Variants in BOP1 observed in about 807,000 individuals in gnomAD.
BOP1 encodes the protein BOP1 ribosomal biogenesis factor.
BOP1 carries 54 observed loss-of-function variants against 82.9 expected under a neutral mutation model. The ratio of observed to expected loss-of-function variants is 0.65; its 90% CI spans 0.52 to 0.82. The LOEUF (loss-of-function observed/expected upper bound fraction) is 0.82. Among genes scored for constraint, BOP1 ranks in the 40% least tolerant of loss-of-function variants. The pLI, the probability that BOP1 is intolerant of heterozygous loss-of-function variation, is 0.00. For synonymous variants in BOP1, 566 were observed against 451.1 expected (o/e 1.25, Z -3.23); for missense variants, 1,170 against 1,072.0 (o/e 1.09, Z -1.28).
chr8:144,264,653 C>T, intron 5 of BOP1, 37 bp from the exon 6 acceptor site: 1 of 1,569,938 alleles, frequency 6.4e-7, no homozygotes, highest in Non-Finnish European at 8.6e-7. Context: ...GCCAGAGTGG[C>T]TGAGGCCCTG....
chr8:144,267,213 C>G, intron 3 of BOP1: 1 of 1,487,552 alleles, frequency 6.7e-7, no homozygotes, highest in Admixed American at 2.5e-5. Flanking sequence ...CGAGGGGGGC[C>G]TCCAACGCGC....
Position 144,268,579 on chromosome 8 carries a change from C to A in BOP1, c.391-3508G>T, listed in dbSNP as rs894200618. ...CCTTGGTGGTCCCATCCTCCTTGGG[C>A]CAAGTACCCCGGCTCCCTGGGAAGC... is the stretch of plus-strand genomic sequence containing the variant. On this transcript the variant is annotated intron_variant, in intron 3 of 15. Coordinates refer to ENST00000569669, the MANE Select transcript of BOP1 (RefSeq NM_015201.5). 6.4e-3 allele frequency: 1,458 copies of A among 228,042 alleles called. 23 individuals are homozygous for A. The highest frequency in any genetic ancestry group is 0.032 in the African/African-American group (1,377 of 42,712). The allele number at this position is 228,042 out of a possible 1,614,324, so 14.1% of individuals were successfully genotyped here. A position where few individuals can be genotyped will look rare whatever the true frequency, so the allele number is the denominator to read the frequency against.
In BOP1 at chr8:144,289,298, G is replaced by A. The variant is rs782467368; in HGVS notation, c.106C>T (p.Leu36Phe). The change falls in exon 2 of 16, where the codon CTC (leucine) becomes TTC (phenylalanine). Residue 36 changes from leucine to phenylalanine, a missense_variant. Transcript: ENST00000569669. ...TGGCTGAGAGGAGAGGTGCAGAGGA[G>A]GGGGGGCTGCAAGGAAACACTGGGT... ...LEPEPEPEPP[L>F]LCTSPLSHST... 6.2e-6 allele frequency: 10 copies of A among 1,613,278 alleles called. No individual in the cohort carries two copies. In the African/African-American group the frequency reaches 8.0e-5, roughly 13 times the overall value.
chr8:144,265,683 G>A (rs1450601649), intron 3 of BOP1: 1 of 159,290 alleles, frequency 6.3e-6, no homozygotes, highest in African/African-American at 2.4e-5. Flanking sequence ...ACGGGGAGGG[G>A]CCCAGGCAAG....
intron 3 of BOP1, among the ~76,000 whole-genome samples, chr8:144,266,292 A>G (rs933625782): frequency 1.3e-5 from 2 of 151,912 alleles, no homozygotes; most frequent in African/African-American, 4.8e-5. Context: ...GATGCCCCCA[A>G]AGACCAGCCC....
intron 2 of BOP1, among the ~76,000 whole-genome samples, chr8:144,286,666 C>T (rs1020147653): frequency 3.3e-5 from 5 of 152,258 alleles, no homozygotes; most frequent in Non-Finnish European, 7.3e-5. Flanking sequence ...AGCGCCACAA[C>T]AGGGCAGGGC....
chr8:144,286,960 C>A (rs1427686423), intron 2 of BOP1, among the ~76,000 whole-genome samples: 1 of 152,226 alleles, frequency 6.6e-6, no homozygotes, highest in African/African-American at 2.4e-5. Flanking sequence ...CCCTAGACTC[C>A]GCAGACACCT....
intron 2 of BOP1, among the ~76,000 whole-genome samples, chr8:144,278,593 G>C (rs1312572625): frequency 6.6e-6 from 1 of 152,236 alleles, no homozygotes; most frequent in Non-Finnish European, 1.5e-5. Context: ...GCCCACAAGA[G>C]GGTTCTGCTG....
In BOP1 at chr8:144,264,210, A is replaced by T; in HGVS notation, c.978+15T>A. The T allele has an allele frequency of 6.2e-7, 1 of 1,607,390 alleles. No homozygotes were observed. The highest frequency in any genetic ancestry group is 8.5e-7 in the Non-Finnish European group (1 of 1,177,918). On this transcript the variant is annotated intron_variant, in intron 7 of 15. Coordinates refer to ENST00000569669, the MANE Select transcript of BOP1 (RefSeq NM_015201.5). Reference sequence around the variant, plus strand: ...GCATGGGGACAGGGTCCCGGCCCCCAGGATGCAGGCCCACCTCCTCCTCGC... The same window carrying T: ...GCATGGGGACAGGGTCCCGGCCCCCTGGATGCAGGCCCACCTCCTCCTCGC...
chr8:144,262,738 CA>C, intron 13 of BOP1, 66 bp from the exon 14 acceptor site: 1 of 1,540,820 alleles, frequency 6.5e-7, no homozygotes, highest in Non-Finnish European at 8.8e-7. Flanking sequence ...CCCTGCCCGT[CA>C]CCTACACCCC....
intron 3 of BOP1, chr8:144,268,476 T>A (rs1327373393): frequency 2.2e-6 from 1 of 460,210 alleles, no homozygotes; most frequent in African/African-American, 2.0e-5. Context: ...AACAGTATCT[T>A]CCAAATATGG....
At chr8:144,262,543 A>G in intron 14 of BOP1, 40 bp from the exon 15 acceptor site, 3 of 1,612,824 alleles carry the variant, frequency 1.9e-6, no homozygotes, top group Non-Finnish European at 2.5e-6. Flanking sequence ...GCTCGGGCTG[A>G]AGGGAGGGGC....
rs1050358319 is a variant in BOP1 at position 144,265,579 on chromosome 8, G to A, written c.391-508C>T. On this transcript the variant is annotated intron_variant, in intron 3 of 15. Coordinates refer to ENST00000569669, the MANE Select transcript of BOP1 (RefSeq NM_015201.5). ...AGGCAGAACAGCCACGTTCCTGGACGTACATTCCTGGTTGCAGCCCCTGCC... is the reference window on the plus strand; with the variant it reads ...AGGCAGAACAGCCACGTTCCTGGACATACATTCCTGGTTGCAGCCCCTGCC... 81 of 167,134 alleles carry A rather than the reference G, an allele frequency of 4.8e-4. 1 individual carries two copies. The highest frequency in any genetic ancestry group is 1.7e-3 in the African/African-American group (70 of 41,810). 10.4% of individuals were successfully genotyped at this position (167,134 alleles called of 1,614,324 possible). A position where few individuals can be genotyped will look rare whatever the true frequency, so the allele number is the denominator to read the frequency against.
chr8:144,264,187 A>C (rs1845304000), intron 7 of BOP1, 38 bp downstream of exon 7: 4 of 1,609,060 alleles, frequency 2.5e-6, no homozygotes, highest in Non-Finnish European at 2.5e-6. Context: ...ACAGGGAAGC[A>C]TGGGGACAGG....
At position 144,269,138 on chromosome 8, in the gene BOP1, C is replaced by T. The variant is rs926104374; in HGVS notation, c.391-4067G>A. On this transcript the variant is annotated intron_variant, in intron 3 of 15. Coordinates refer to ENST00000569669, the MANE Select transcript of BOP1 (RefSeq NM_015201.5). ...AGCCCCCTGAAGACCCCGCCCACCA[C>T]AGGAGGTGGGTTTAGCCCCCACAGT... Among the ~76,000 whole-genome samples, 304 of 152,350 alleles carry T rather than the reference C, an allele frequency of 2.0e-3. 1 individual carries two copies. Among genetic ancestry groups the T allele is most frequent in the Non-Finnish European group, 3.4e-3 (228 of 68,020 alleles).
intron 2 of BOP1, among the ~76,000 whole-genome samples, chr8:144,286,856 G>C (rs1194021276): frequency 6.6e-6 from 1 of 152,240 alleles, no homozygotes; most frequent in South Asian, 2.1e-4. Flanking sequence ...AACCCGAGCA[G>C]GGCAATGGGC....
Position 144,262,304 on chromosome 8 carries a change from TC to T in BOP1, c.2100del (p.Asn701ThrfsTer10). On this transcript the variant is annotated frameshift_variant, in exon 16 of 16. Transcript: ENST00000569669. LOFTEE classifies it high-confidence loss of function. ...CHGMVYNDLL[Q>X]NPLLVPVKVL... ...ACCTTGACGGGCACCAGCAAGGGGT[TC>T]TGCAGAAGGTCACTGTGGGGACGAG... 6.2e-7 allele frequency: 1 copy of T among 1,612,786 alleles called. No individual in the cohort carries two copies. Among genetic ancestry groups the T allele is most frequent in the South Asian group, 1.1e-5 (1 of 91,042 alleles).
intron 2 of BOP1, among the ~76,000 whole-genome samples, chr8:144,277,245 A>G (rs1489410624): frequency 1.4e-5 from 2 of 147,482 alleles, no homozygotes; most frequent in African/African-American, 5.1e-5. Flanking sequence ...GAGATGGGAG[A>G]CTAAGTTTTT....
intron 2 of BOP1, among the ~76,000 whole-genome samples, chr8:144,278,609 G>A (rs1400640771): frequency 2.0e-5 from 3 of 152,234 alleles, no homozygotes; most frequent in South Asian, 4.1e-4. Context: ...TGCTGGAGAC[G>A]TGGACAGCAG....
Sources: allele counts gnomAD v4.1 joint callset (sites outside exome capture counted in the v4.1 genomes callset), GRCh38; gene constraint gnomAD v4.1.1; transcripts MANE v1.5; gene names NCBI Gene and HGNC (gene_info 2026-07-23, HGNC 2026-07-21).